MEI4: variants seen among roughly 807,000 people sequenced by gnomAD.
MEI4 encodes meiosis-specific protein MEI4.
In MEI4, 27 loss-of-function variants were observed where a neutral mutation model predicts 31.4. That is an observed-to-expected ratio of 0.86 (90% CI 0.63 to 1.19). The LOEUF is 1.19. MEI4 is among the 50% of genes most tolerant of loss of function. The pLI, the probability that MEI4 is intolerant of heterozygous loss-of-function variation, is 0.00. For synonymous variants in MEI4, 122 were observed against 145.4 expected (o/e 0.84, Z 1.16); for missense variants, 329 against 398.9 (o/e 0.82, Z 1.49).
chr6:77,910,032 AAATT>A (rs1766395878), intron 4 of MEI4, among the ~76,000 whole-genome samples: 1 of 152,198 alleles, frequency 6.6e-6, no homozygotes, highest in Non-Finnish European at 1.5e-5. Context: ...AACTCTGAAT[AAATT>A]AGGTATTGAT....
chr6:77,697,787 T>C (rs896332486), intron 2 of MEI4, among the ~76,000 whole-genome samples: 4 of 152,332 alleles, frequency 2.6e-5, no homozygotes, highest in Admixed American at 1.3e-4. Context: ...TTAGGTCCGC[T>C]TGATACAGAG....
intron 2 of MEI4, among the ~76,000 whole-genome samples, chr6:77,746,173 G>C (rs945470770): frequency 2.0e-5 from 3 of 152,168 alleles, no homozygotes; most frequent in African/African-American, 7.2e-5. Flanking sequence ...AAAAACTACT[G>C]AATCCAGGAG....
At chr6:77,918,184 T>C (rs1766612342) in intron 4 of MEI4, among the ~76,000 whole-genome samples, 1 of 151,928 alleles carries the variant, frequency 6.6e-6, no homozygotes, top group Non-Finnish European at 1.5e-5. Context: ...TGTAGTATAG[T>C]TTGAAGTCAG....
At position 77,761,308 on chromosome 6, in the gene MEI4, A is replaced by G. The variant is rs202160675; in HGVS notation, c.411A>G (p.Lys137=). 8.4e-4 allele frequency: 1,032 copies of G among 1,232,622 alleles called. 5 individuals carry two copies. The highest frequency in any genetic ancestry group is 5.6e-4 in the Non-Finnish European group (557 of 988,064). The allele number at this position is 1,232,622 out of a possible 1,614,324, so 76.4% of individuals were successfully genotyped here. A position where few individuals can be genotyped will look rare whatever the true frequency, so the allele number is the denominator to read the frequency against. The change falls in exon 3 of 5, where the codon AAA becomes AAG. Residue 137 remains lysine, a synonymous_variant. Coordinates refer to ENST00000684080, the MANE Select transcript of MEI4 (RefSeq NM_001322247.2). ...ACTTTCCACCACTGCCTCTTGTGAAAAGACCTTGTGCTATCCTGCAAAATC... is the reference window on the plus strand; with the variant it reads ...ACTTTCCACCACTGCCTCTTGTGAAGAGACCTTGTGCTATCCTGCAAAATC... The part of the protein sequence containing the change: ...PTHFPPLPLV[K]RPCAILQNPL...
intron 3 of MEI4, among the ~76,000 whole-genome samples, chr6:77,782,745 A>C (rs1189539664): frequency 6.6e-6 from 1 of 152,218 alleles, no homozygotes; most frequent in East Asian, 1.9e-4. Context: ...AGCTGGAAAC[A>C]TAGCCATTGC....
chr6:77,877,715 CTTTT>C (rs56798153), intron 4 of MEI4, among the ~76,000 whole-genome samples: 1 of 125,894 alleles, frequency 7.9e-6, no homozygotes, highest in African/African-American at 3.0e-5. Context: ...AGCAGTCAGC[CTTTT>C]TTTTTTTTTT....
At chr6:77,736,343 C>T (rs998851178) in intron 2 of MEI4, among the ~76,000 whole-genome samples, 11 of 152,098 alleles carry the variant, frequency 7.2e-5, no homozygotes, top group Admixed American at 4.6e-4. Context: ...CCTGGTGCGC[C>T]GTTTTTAAGC....
chr6:77,746,499 T>C (rs1767608945), intron 2 of MEI4, among the ~76,000 whole-genome samples: 1 of 152,140 alleles, frequency 6.6e-6, no homozygotes, highest in Non-Finnish European at 1.5e-5. Context: ...CATCAGCTCT[T>C]GGGTCTTAAG....
At chr6:77,839,996 G>T (rs903963312) in intron 4 of MEI4, among the ~76,000 whole-genome samples, 1 of 152,086 alleles carries the variant, frequency 6.6e-6, no homozygotes, top group East Asian at 1.9e-4. Context: ...GGACTTTAAC[G>T]CAAGTATTAT....
chr6:77,840,486 G>A (rs1770332071), intron 4 of MEI4, among the ~76,000 whole-genome samples: 1 of 152,078 alleles, frequency 6.6e-6, no homozygotes, highest in African/African-American at 2.4e-5. Flanking sequence ...AACGATAAAT[G>A]TATTAATTTT....
At chr6:77,791,253 T>G (rs2127695984) in intron 3 of MEI4, among the ~76,000 whole-genome samples, 1 of 152,242 alleles carries the variant, frequency 6.6e-6, no homozygotes, top group African/African-American at 2.4e-5. Context: ...GCGGCATTAT[T>G]CACGATAGCA....
At chr6:77,866,248 G>A in intron 4 of MEI4, among the ~76,000 whole-genome samples, 1 of 151,886 alleles carries the variant, frequency 6.6e-6, no homozygotes, top group Non-Finnish European at 1.5e-5. Flanking sequence ...GGCAGGAGAA[G>A]GAAATAAAGG....
intron 3 of MEI4, among the ~76,000 whole-genome samples, chr6:77,795,313 G>T (rs570198478): frequency 6.6e-6 from 1 of 152,256 alleles, no homozygotes; most frequent in Admixed American, 6.5e-5. Context: ...CTCATGCTTT[G>T]TGGAGTTTAG....
At chr6:77,843,947 G>A (rs1239577990) in intron 4 of MEI4, among the ~76,000 whole-genome samples, 1 of 152,076 alleles carries the variant, frequency 6.6e-6, no homozygotes, top group Non-Finnish European at 1.5e-5. Context: ...TTGCTAATGA[G>A]TTTAATGGGT....
intron 2 of MEI4, among the ~76,000 whole-genome samples, chr6:77,732,658 C>G (rs997698737): frequency 3.3e-5 from 5 of 151,972 alleles, no homozygotes; most frequent in Admixed American, 2.0e-4. Flanking sequence ...AGACTTCCAA[C>G]ACTATGTTGA....
In MEI4 at chr6:77,923,209, C is replaced by A; in HGVS notation, c.1021C>A (p.Gln341Lys). The A allele has an allele frequency of 8.1e-7, 1 of 1,230,464 alleles. No homozygotes were observed. Among genetic ancestry groups the A allele is most frequent in the Non-Finnish European group, 1.0e-6 (1 of 986,914 alleles). The allele number at this position is 1,230,464 out of a possible 1,614,324, so 76.2% of individuals were successfully genotyped here. ...GNTSSIGHDD[Q>K]EIKKFLQKHD... ...CACTTCAAGTATAGGTCATGATGAC[C>A]AAGAAATCAAGAAATTTCTTCAGAA... Residue 341 changes from glutamine (Q) to lysine (K), a missense_variant, in exon 5 of 5, where the codon CAA becomes AAA. Gln to Lys is a moderately conservative substitution (Grantham distance 53, BLOSUM62 1). Coordinates refer to ENST00000684080, the MANE Select transcript of MEI4 (RefSeq NM_001322247.2).
intron 3 of MEI4, among the ~76,000 whole-genome samples, chr6:77,801,940 T>TA (rs1247426824): frequency 6.6e-6 from 1 of 152,224 alleles, no homozygotes; most frequent in Non-Finnish European, 1.5e-5. Context: ...AAGGAATGTA[T>TA]ATTCTGTTAA....
At chr6:77,774,468 G>C (rs181922742) in intron 3 of MEI4, among the ~76,000 whole-genome samples, 2 of 152,062 alleles carry the variant, frequency 1.3e-5, no homozygotes, top group Non-Finnish European at 2.9e-5. Context: ...AATTAAAACA[G>C]TTGAATCCAT....
intron 4 of MEI4, among the ~76,000 whole-genome samples, chr6:77,865,274 A>C (rs1489366695): frequency 6.6e-6 from 1 of 152,224 alleles, no homozygotes; most frequent in African/African-American, 2.4e-5. Flanking sequence ...AACCCTTCAA[A>C]AAATCAATGA....
Sources: gnomAD v4.1 joint callset for allele counts (sites outside exome capture counted in the v4.1 genomes callset) on GRCh38, gnomAD v4.1.1 for gene constraint, MANE v1.5 for transcripts, NCBI Gene and HGNC (gene_info 2026-07-23, HGNC 2026-07-21) for gene names.